The following PIK3C2G variants were observed in gnomAD, a reference collection of about 807,000 sequenced individuals.
The protein encoded by PIK3C2G is phosphatidylinositol-4-phosphate 3-kinase catalytic subunit type 2 gamma.
Under a neutral mutation model 181.1 loss-of-function variants are expected in PIK3C2G, and 168 were observed. That is an observed-to-expected ratio of 0.93 (90% CI 0.82 to 1.05). The LOEUF (loss-of-function observed/expected upper bound fraction) is 1.05. Ranked by LOEUF, PIK3C2G falls within the 50% of genes least tolerant of loss-of-function variation. PIK3C2G has a pLI of 0.00. For synonymous variants in PIK3C2G, 573 were observed against 592.2 expected, an observed-to-expected ratio of 0.97 and a Z score of 0.47; for missense variants, 1,869 against 1,732.8, an observed-to-expected ratio of 1.08 and a Z score of -1.40.
At chr12:18,424,694 A>G (rs1371834450) in intron 18 of PIK3C2G, 2 of 213,012 alleles carry the variant, frequency 9.4e-6, no homozygotes, top group Admixed American at 4.3e-5. Flanking sequence ...ATTCCTGAGA[A>G]GGCTTGTCAG....
chr12:18,437,008 A>G (rs532338215), intron 18 of PIK3C2G, among the ~76,000 whole-genome samples: 1 of 152,074 alleles, frequency 6.6e-6, no homozygotes, highest in South Asian at 2.1e-4. Flanking sequence ...TTCTGCATTG[A>G]GATTCTCTAT....
chr12:18,261,209 G>T (rs1036525948), upstream of PIK3C2G, among the ~76,000 whole-genome samples: 1 of 152,002 alleles, frequency 6.6e-6, no homozygotes, highest in Non-Finnish European at 1.5e-5. Flanking sequence ...AACCTTAGCT[G>T]TAATTTGAGG....
intron 5 of PIK3C2G, among the ~76,000 whole-genome samples, chr12:18,299,407 A>C (rs182320678): frequency 1.3e-3 from 199 of 151,876 alleles, no homozygotes; most frequent in African/African-American, 4.4e-3. Flanking sequence ...TTGCAACTTT[A>C]TTTAATTTGT....
the PIK3C2G span, among the ~76,000 whole-genome samples, chr12:18,678,445 A>G: frequency 6.6e-6 from 1 of 152,080 alleles, no homozygotes; most frequent in Non-Finnish European, 1.5e-5. Flanking sequence ...AACCATCATG[A>G]TAATTGAGAT....
rs192953665 is a variant in PIK3C2G, at chr12:18,622,219, C to T, written c.4182+12590C>T. Among the ~76,000 whole-genome samples the T allele has an allele frequency of 4.9e-4, 75 of 151,990 alleles. 1 individual carries two copies. Among genetic ancestry groups the T allele is most frequent in the Admixed American group, 1.9e-3 (29 of 15,270 alleles). ...TTGACTATCATTTCCCCATTTCCCA[C>T]ACCTCTAGCCTTTGTTAACTGCCAT... On this transcript the variant is annotated intron_variant, in intron 31 of 32. Coordinates refer to ENST00000538779, the MANE Select transcript of PIK3C2G (RefSeq NM_001288772.2).
At chr12:18,638,631 A>G (rs1319465997) in intron 31 of PIK3C2G, among the ~76,000 whole-genome samples, 1 of 152,152 alleles carries the variant, frequency 6.6e-6, no homozygotes, top group Non-Finnish European at 1.5e-5. Flanking sequence ...TAGGTCATTT[A>G]TGCAGTCTTT....
intron 18 of PIK3C2G, among the ~76,000 whole-genome samples, chr12:18,478,431 T>C (rs1939221048): frequency 6.6e-6 from 1 of 152,114 alleles, no homozygotes; most frequent in Admixed American, 6.6e-5. Flanking sequence ...GCAATCAGTG[T>C]ATTGCTTTCA....
chr12:18,274,186 C>T (rs1948873695), intron 1 of PIK3C2G, among the ~76,000 whole-genome samples: 2 of 152,144 alleles, frequency 1.3e-5, no homozygotes, highest in African/African-American at 4.8e-5. Context: ...GAAATAGGAA[C>T]ACTTTTACAC....
intron 30 of PIK3C2G, among the ~76,000 whole-genome samples, chr12:18,598,730 A>T (rs1180945558): frequency 6.8e-6 from 1 of 147,390 alleles, no homozygotes; most frequent in Non-Finnish European, 1.5e-5. Flanking sequence ...AATGGGAGAA[A>T]ATTTTCGCAA....
chr12:18,645,610 C>T (rs1199439981), intron 32 of PIK3C2G, among the ~76,000 whole-genome samples: 2 of 152,046 alleles, frequency 1.3e-5, no homozygotes, highest in East Asian at 1.9e-4. Flanking sequence ...AACAACTGTT[C>T]CTTTTTGTGT....
chr12:18,586,252 AC>A (rs1946769819), intron 29 of PIK3C2G, among the ~76,000 whole-genome samples: 1 of 151,858 alleles, frequency 6.6e-6, no homozygotes, highest in Admixed American at 6.6e-5. Flanking sequence ...AGATCAAGAC[AC>A]AAAAAACCTC....
intron 8 of PIK3C2G, among the ~76,000 whole-genome samples, chr12:18,326,180 T>C (rs1330778765): frequency 6.6e-6 from 1 of 152,170 alleles, no homozygotes; most frequent in Non-Finnish European, 1.5e-5. Flanking sequence ...GAAGGTAGCA[T>C]GGCAGAGGGA....
intron 10 of PIK3C2G, among the ~76,000 whole-genome samples, chr12:18,344,154 A>G (rs974894985): frequency 1.3e-5 from 2 of 152,092 alleles, no homozygotes; most frequent in Non-Finnish European, 2.9e-5. Flanking sequence ...GCACAGGAAT[A>G]CTCTGAGTAT....
chr12:18,602,145 TTTCGAGCCTGACTC>T (rs1357110931), intron 30 of PIK3C2G, among the ~76,000 whole-genome samples: 2 of 151,944 alleles, frequency 1.3e-5, no homozygotes, highest in Non-Finnish European at 2.9e-5. Context: ...TTGGGCAACT[TTTCGAGCCTGACTC>T]GCCCTCCACC....
At chr12:18,568,584 G>C (rs1945763744) in intron 29 of PIK3C2G, among the ~76,000 whole-genome samples, 2 of 152,218 alleles carry the variant, frequency 1.3e-5, no homozygotes, top group Non-Finnish European at 2.9e-5. Flanking sequence ...GTCAGTCTTT[G>C]TTCTGTTCAG....
intron 29 of PIK3C2G, among the ~76,000 whole-genome samples, chr12:18,578,568 C>T (rs1326885316): frequency 6.6e-6 from 1 of 152,004 alleles, no homozygotes; most frequent in Admixed American, 6.6e-5. Context: ...TGTTTATATT[C>T]AAGAAATAAA....
At chr12:18,565,234 G>T (rs571357463) in intron 28 of PIK3C2G, among the ~76,000 whole-genome samples, 13 of 152,284 alleles carry the variant, frequency 8.5e-5, no homozygotes, top group South Asian at 4.1e-4. Context: ...TGGAAGGCAT[G>T]ATCAGAAAGT....
At chr12:18,353,867 A>G (rs1344347927) in intron 11 of PIK3C2G, among the ~76,000 whole-genome samples, 1 of 152,190 alleles carries the variant, frequency 6.6e-6, no homozygotes, top group Non-Finnish European at 1.5e-5. Context: ...TGAATAGGTC[A>G]GTATAGTTGA....
At chr12:18,271,260 G>A (rs766587138) in intron 1 of PIK3C2G, among the ~76,000 whole-genome samples, 15 of 151,822 alleles carry the variant, frequency 9.9e-5, no homozygotes, top group Non-Finnish European at 1.8e-4. Flanking sequence ...TTGTTCCTCC[G>A]CATCTGTTAG....
Sources: allele counts gnomAD v4.1 joint callset (sites outside exome capture counted in the v4.1 genomes callset), GRCh38; gene constraint gnomAD v4.1.1; transcripts MANE v1.5; gene names NCBI Gene and HGNC (gene_info 2026-07-23, HGNC 2026-07-21).